Variants in NFIB observed in about 807,000 individuals in gnomAD.
NFIB encodes the protein nuclear factor 1 B-type.
In NFIB, 11 loss-of-function variants were observed where a neutral mutation model predicts 61.5. The observed-to-expected ratio is 0.18, with a 90% CI of 0.11 to 0.30. NFIB has a LOEUF of 0.30. Ranked by LOEUF, NFIB falls within the 10% of genes least tolerant of loss-of-function variation. The pLI is 1.00. For missense variants in NFIB, 471 were observed against 608.9 expected, an observed-to-expected ratio of 0.77 and a Z score of 2.38; for synonymous variants, 260 against 216.5, an observed-to-expected ratio of 1.20 and a Z score of -1.76.
At position 14,189,838 on chromosome 9, in the gene NFIB, A is replaced by G. The variant is rs75871962; in HGVS notation, c.563-10058T>C. On this transcript the variant is annotated intron_variant, in intron 2 of 10. Coordinates refer to ENST00000380953, the MANE Select transcript of NFIB (RefSeq NM_001190737.2). ...TACAGAGAACAAGATGATGACTGGTAGCAGTTAAAACAGTTCATCTTCCTT... is the reference window on the plus strand; with the variant it reads ...TACAGAGAACAAGATGATGACTGGTGGCAGTTAAAACAGTTCATCTTCCTT... Among the ~76,000 whole-genome samples, 191 of 151,452 alleles carry G rather than the reference A, an allele frequency of 1.3e-3. 1 individual carries two copies. Among genetic ancestry groups the G allele is most frequent in the African/African-American group, 4.4e-3 (181 of 41,268 alleles).
chr9:14,450,759 G>A, the NFIB span, among the ~76,000 whole-genome samples: 1 of 152,054 alleles, frequency 6.6e-6, no homozygotes. Flanking sequence ...GGCAAAAACT[G>A]GGCTTTGTTT....
chr9:14,498,777 CCCTCCCTCCCTCCCTCCCTCCCTT>C, the NFIB span, among the ~76,000 whole-genome samples: 7 of 62,512 alleles, frequency 1.1e-4, no homozygotes, highest in East Asian at 2.4e-3. Flanking sequence ...CTCCCTCCCT[CCCTCCCTCCCTCCCTCCCTCCCTT>C]CCTCCCTTCC....
chr9:14,228,197 C>CTTTT (rs199731438), intron 2 of NFIB, among the ~76,000 whole-genome samples: 1 of 132,572 alleles, frequency 7.5e-6, no homozygotes, highest in Non-Finnish European at 1.6e-5. Flanking sequence ...CTTTATGATT[C>CTTTT]TTTTTTTTTT....
chr9:14,210,638 C>G (rs1276187065), intron 2 of NFIB, among the ~76,000 whole-genome samples: 1 of 151,858 alleles, frequency 6.6e-6, no homozygotes, highest in East Asian at 1.9e-4. Context: ...ATGGTTAAAA[C>G]CACAAATTGG....
rs1260437638 is a variant in NFIB at position 14,179,787 on chromosome 9, A to G, written c.563-7T>C. 1.9e-6 allele frequency: 3 copies of G among 1,612,708 alleles called. No homozygotes were observed. In the African/African-American group the frequency reaches 4.0e-5, roughly 22 times the overall value. On this transcript the variant is annotated splice_polypyrimidine_tract_variant and splice_region_variant and intron_variant, in intron 2 of 10. Coordinates refer to ENST00000380953, the MANE Select transcript of NFIB (RefSeq NM_001190737.2). Reference sequence around the variant, plus strand: ...CTTCCTGATTGTCCAGAATCTGTAAAGAAATCACAGAAAATGTTTTCTTTT... The same window carrying G: ...CTTCCTGATTGTCCAGAATCTGTAAGGAAATCACAGAAAATGTTTTCTTTT...
chr9:14,243,225 A>G (rs2054531767), intron 2 of NFIB, among the ~76,000 whole-genome samples: 1 of 152,210 alleles, frequency 6.6e-6, no homozygotes, highest in African/African-American at 2.4e-5. Context: ...GAAAATTCCC[A>G]GAGGTTTCTT....
At chr9:14,241,985 A>G (rs1174184246) in intron 2 of NFIB, among the ~76,000 whole-genome samples, 1 of 152,116 alleles carries the variant, frequency 6.6e-6, no homozygotes, top group Non-Finnish European at 1.5e-5. Flanking sequence ...GCCTCCTACC[A>G]TATGCTGATA....
intron 3 of NFIB, among the ~76,000 whole-genome samples, chr9:14,157,742 C>G (rs1172371551): frequency 6.6e-6 from 1 of 152,072 alleles, no homozygotes; most frequent in Non-Finnish European, 1.5e-5. Flanking sequence ...TCTTCTGGAC[C>G]ACTGTAACTT....
chr9:14,182,329 C>A (rs1050116043), intron 2 of NFIB, among the ~76,000 whole-genome samples: 4 of 152,162 alleles, frequency 2.6e-5, no homozygotes, highest in African/African-American at 9.7e-5. Context: ...AAAGCCCATA[C>A]CTTCTCATGA....
the NFIB span, among the ~76,000 whole-genome samples, chr9:14,464,568 TGAG>T: frequency 2.0e-5 from 3 of 152,066 alleles, no homozygotes; most frequent in Admixed American, 6.5e-5. Flanking sequence ...GACCTGAAGT[TGAG>T]GAGGAGAACA....
In NFIB at chr9:14,087,616, A is replaced by G. The variant is rs772133620; in HGVS notation, c.*693T>C. ...ATTTTTTCTTTTTTTAAGATTTCAA[A>G]CTGGGTTACACACTGGAAAAGGCTG... On this transcript the variant is annotated 3_prime_UTR_variant, in exon 11 of 11. Coordinates refer to ENST00000380953, the MANE Select transcript of NFIB (RefSeq NM_001190737.2). 1 of 221,420 alleles carries G rather than the reference A, an allele frequency of 4.5e-6. No individual in the cohort carries two copies. Among genetic ancestry groups the G allele is most frequent in the Non-Finnish European group, 9.0e-6 (1 of 110,804 alleles). The allele number at this position is 221,420 out of a possible 1,614,324, so 13.7% of individuals were successfully genotyped here. A position where few individuals can be genotyped will look rare whatever the true frequency, so the allele number is the denominator to read the frequency against.
intron 6 of NFIB, among the ~76,000 whole-genome samples, chr9:14,131,113 T>C (rs2040350867): frequency 6.6e-6 from 1 of 152,196 alleles, no homozygotes; most frequent in Non-Finnish European, 1.5e-5. Context: ...AGAATAATTT[T>C]TTTAAAAAGA....
At chr9:14,353,311 G>T (rs1167338597) in intron 1 of NFIB, among the ~76,000 whole-genome samples, 1 of 152,106 alleles carries the variant, frequency 6.6e-6, no homozygotes, top group Admixed American at 6.5e-5. Flanking sequence ...CAGTTCTTCT[G>T]GGAAGCTGGT....
At chr9:14,257,698 G>T (rs138604895) in intron 2 of NFIB, among the ~76,000 whole-genome samples, 1 of 152,246 alleles carries the variant, frequency 6.6e-6, no homozygotes, top group East Asian at 1.9e-4. Flanking sequence ...AGAGGTTGTG[G>T]TGTGCCAAGA....
chr9:14,476,383 T>G, the NFIB span, among the ~76,000 whole-genome samples: 1 of 152,046 alleles, frequency 6.6e-6, no homozygotes, highest in East Asian at 2.0e-4. Flanking sequence ...GATGCCCAAC[T>G]GAAGCATCTT....
the NFIB span, among the ~76,000 whole-genome samples, chr9:14,423,123 A>G: frequency 6.6e-6 from 1 of 152,252 alleles, no homozygotes; most frequent in Non-Finnish European, 1.5e-5. Context: ...GAGTGCTACC[A>G]TTAGTTACTT....
chr9:14,309,696 C>A (rs1037758420), intron 1 of NFIB, among the ~76,000 whole-genome samples: 2 of 152,244 alleles, frequency 1.3e-5, no homozygotes, highest in Non-Finnish European at 1.5e-5. Context: ...TTAGCTTTCA[C>A]TGTAACTACA....
chr9:14,527,787 T>C, the NFIB span, among the ~76,000 whole-genome samples: 7 of 152,204 alleles, frequency 4.6e-5, no homozygotes, highest in African/African-American at 1.7e-4. Flanking sequence ...TGGTATCTAT[T>C]AGTTTCTACC....
intron 6 of NFIB, among the ~76,000 whole-genome samples, chr9:14,137,971 G>T (rs994245894): frequency 1.3e-5 from 2 of 151,924 alleles, no homozygotes; most frequent in African/African-American, 4.8e-5. Context: ...TGTAACAGAG[G>T]TTTTATAATT....
Sources: allele counts gnomAD v4.1 joint callset (sites outside exome capture counted in the v4.1 genomes callset), GRCh38; gene constraint gnomAD v4.1.1; transcripts MANE v1.5; gene names NCBI Gene and HGNC (gene_info 2026-07-23, HGNC 2026-07-21).